Variants in THSD7B observed in about 807,000 individuals in gnomAD.
THSD7B encodes thrombospondin type-1 domain-containing protein 7B.
Under a neutral mutation model 213.6 loss-of-function variants are expected in THSD7B, and 138 were observed. That is an observed-to-expected ratio of 0.65 (90% CI 0.56 to 0.74). The LOEUF is 0.74. Among genes scored for constraint, THSD7B ranks in the 30% least tolerant of loss-of-function variants. The pLI is 0.00. For missense variants in THSD7B, 1,931 were observed against 1,991.5 expected (o/e 0.97, Z 0.58); for synonymous variants, 742 against 687.0 (o/e 1.08, Z -1.25).
At chr2:136,797,243 A>G (rs943784495) in intron 1 of THSD7B, among the ~76,000 whole-genome samples, 1 of 151,968 alleles carries the variant, frequency 6.6e-6, no homozygotes, top group African/African-American at 2.4e-5. Flanking sequence ...TGGTTGGTTT[A>G]GATAACCATC....
intron 15 of THSD7B, among the ~76,000 whole-genome samples, chr2:137,560,035 G>A (rs1681075427): frequency 1.4e-5 from 2 of 143,980 alleles, no homozygotes; most frequent in South Asian, 4.3e-4. Context: ...CATTTAGAAT[G>A]GCGATCATTA....
intron 2 of THSD7B, among the ~76,000 whole-genome samples, chr2:136,981,402 T>G (rs954082330): frequency 6.6e-6 from 1 of 152,214 alleles, no homozygotes. Flanking sequence ...TTGTGAGGGT[T>G]CACTATCTAC....
At chr2:137,502,624 T>C (rs1301442995) in intron 15 of THSD7B, among the ~76,000 whole-genome samples, 1 of 152,204 alleles carries the variant, frequency 6.6e-6, no homozygotes, top group East Asian at 1.9e-4. Flanking sequence ...TTTGGGAAGC[T>C]GGAATTCTCA....
chr2:137,088,679 A>G (rs1687888192), intron 3 of THSD7B, among the ~76,000 whole-genome samples: 1 of 152,110 alleles, frequency 6.6e-6, no homozygotes, highest in South Asian at 2.1e-4. Flanking sequence ...AACCATCAGC[A>G]AAATAAACAG....
chr2:137,209,475 C>G (rs1240482310), intron 7 of THSD7B, among the ~76,000 whole-genome samples: 4 of 152,006 alleles, frequency 2.6e-5, no homozygotes, highest in African/African-American at 9.7e-5. Flanking sequence ...TTGTGAAACA[C>G]AGATCACACA....
chr2:137,537,244 T>G (rs1014434910), intron 15 of THSD7B, among the ~76,000 whole-genome samples: 1 of 151,834 alleles, frequency 6.6e-6, no homozygotes, highest in Admixed American at 6.6e-5. Context: ...TGTTCATTAA[T>G]CACTAAATTC....
intron 15 of THSD7B, among the ~76,000 whole-genome samples, chr2:137,499,100 G>C (rs1573664880): frequency 6.6e-6 from 1 of 152,198 alleles, no homozygotes; most frequent in Non-Finnish European, 1.5e-5. Context: ...AGGGTAGGCT[G>C]TGTGCCTCTT....
intron 15 of THSD7B, among the ~76,000 whole-genome samples, chr2:137,495,233 C>T (rs1375141434): frequency 6.6e-6 from 1 of 152,006 alleles, no homozygotes; most frequent in Non-Finnish European, 1.5e-5. Context: ...TTAAATAATA[C>T]CCAGGAAAAA....
At position 137,512,891 on chromosome 2, in the gene THSD7B, G is replaced by A. The variant is rs141464224; in HGVS notation, c.3139-50330G>A. 2.0e-3 allele frequency among the ~76,000 whole-genome samples: 298 copies of A among 152,198 alleles called. 3 individuals carry two copies. Among genetic ancestry groups the A allele is most frequent in the African/African-American group, 6.8e-3 (281 of 41,546 alleles). ...AGAGTAAACTAAGCAGAAACAAGAT[G>A]AATGACTTGCCCAAGGTCATCTACT... On this transcript the variant is annotated intron_variant, in intron 15 of 27. Transcript: ENST00000409968.
chr2:137,340,980 TG>T (rs372016099), intron 12 of THSD7B, among the ~76,000 whole-genome samples: 1,730 of 102,434 alleles, frequency 0.017, 19 homozygotes, highest in Middle Eastern at 0.073. Flanking sequence ...ATTCTCTTTT[TG>T]TTTTTTTTTT....
intron 4 of THSD7B, among the ~76,000 whole-genome samples, chr2:137,095,730 T>A (rs1438326205): frequency 2.0e-5 from 3 of 152,144 alleles, no homozygotes; most frequent in African/African-American, 7.2e-5. Context: ...ATAAAAACTC[T>A]TGTTGCCCAG....
intron 7 of THSD7B, among the ~76,000 whole-genome samples, chr2:137,210,930 G>A (rs1681089365): frequency 6.6e-6 from 1 of 151,882 alleles, no homozygotes; most frequent in Non-Finnish European, 1.5e-5. Flanking sequence ...ATAATTTTTA[G>A]AATAATTCAT....
intron 15 of THSD7B, among the ~76,000 whole-genome samples, chr2:137,461,318 C>G (rs1007266529): frequency 3.9e-5 from 6 of 152,098 alleles, no homozygotes; most frequent in Admixed American, 3.9e-4. Context: ...TAAACTATCA[C>G]AGGTCTTCGT....
chr2:137,261,650 G>A (rs1437206776), intron 10 of THSD7B, among the ~76,000 whole-genome samples: 2 of 152,016 alleles, frequency 1.3e-5, no homozygotes, highest in Non-Finnish European at 2.9e-5. Context: ...AGCAATACAA[G>A]CATTAACATG....
At chr2:136,968,115 G>T (rs900014839) in intron 2 of THSD7B, among the ~76,000 whole-genome samples, 6 of 152,096 alleles carry the variant, frequency 3.9e-5, no homozygotes, top group Admixed American at 2.0e-4. Context: ...GCATGAGATT[G>T]TGTGGGATTT....
intron 14 of THSD7B, among the ~76,000 whole-genome samples, chr2:137,412,859 G>A (rs1245013239): frequency 2.0e-5 from 3 of 150,798 alleles, no homozygotes; most frequent in Non-Finnish European, 3.0e-5. Flanking sequence ...TTACAATGGA[G>A]CCTCTGAATT....
At chr2:136,930,782 C>G (rs1684614830) in intron 2 of THSD7B, among the ~76,000 whole-genome samples, 1 of 151,936 alleles carries the variant, frequency 6.6e-6, no homozygotes, top group Non-Finnish European at 1.5e-5. Flanking sequence ...CGGCCTGAGC[C>G]AGGACTAAAG....
intron 2 of THSD7B, among the ~76,000 whole-genome samples, chr2:137,049,911 C>G (rs570916012): frequency 6.6e-6 from 1 of 152,244 alleles, no homozygotes; most frequent in African/African-American, 2.4e-5. Context: ...TTTATGGAGC[C>G]CTTATTCTTC....
chr2:137,098,650 T>C (rs1688085513), intron 4 of THSD7B, among the ~76,000 whole-genome samples: 1 of 152,166 alleles, frequency 6.6e-6, no homozygotes, highest in Admixed American at 6.5e-5. Context: ...GGAAAAATAT[T>C]TCAAGAACAA....
Sources: allele counts gnomAD v4.1 joint callset (sites outside exome capture counted in the v4.1 genomes callset), GRCh38; gene constraint gnomAD v4.1.1; transcripts MANE v1.5; gene names NCBI Gene and HGNC (gene_info 2026-07-23, HGNC 2026-07-21).